The following LATS2 variants were observed in gnomAD, a reference collection of about 807,000 sequenced individuals.
LATS2 encodes the protein serine/threonine-protein kinase LATS2.
Under a neutral mutation model 76.0 loss-of-function variants are expected in LATS2, and 24 were observed. That is an observed-to-expected ratio of 0.32 (90% CI 0.23 to 0.44). LATS2 has a LOEUF of 0.44. Ranked by LOEUF, LATS2 falls within the 20% of genes least tolerant of loss-of-function variation. The pLI is 1.00. For synonymous variants in LATS2, 692 were observed against 635.4 expected (o/e 1.09, Z -1.34); for missense variants, 1,286 against 1,481.2 (o/e 0.87, Z 2.16).
chr13:20,994,837 AAAGT>A (rs373089416), intron 2 of LATS2, among the ~76,000 whole-genome samples: 5 of 146,466 alleles, frequency 3.4e-5, no homozygotes, highest in African/African-American at 1.0e-4. Context: ...GCTGGGCAAC[AAAGT>A]AAGAATGTGT....
rs1870241483 is a variant in LATS2 at position 20,988,019 on chromosome 13, T to C, written c.1761A>G (p.Glu587=). Residue 587 remains glutamate (E), a synonymous_variant, in exon 4 of 8, where the codon GAA becomes GAG. Transcript: ENST00000382592. ...TCTTGATGCGTGACTCTCTCTTCTC[T>C]TCGTCTCTGCTGTTTTTGCGGACGG... The part of the protein sequence containing the change: ...PVPVRKNSRD[E]EKRESRIKSY... The C allele has an allele frequency of 3.1e-6, 5 of 1,614,280 alleles. No individual in the cohort carries two copies. Among genetic ancestry groups the C allele is most frequent in the Non-Finnish European group, 4.2e-6 (5 of 1,180,050 alleles).
rs1445385624 is a variant in LATS2, at chr13:21,046,153, G to A, written c.-127C>T. The A allele has an allele frequency of 2.7e-5, 20 of 747,062 alleles. No individual in the cohort carries two copies. Among genetic ancestry groups the A allele is most frequent in the Admixed American group, 2.2e-4 (7 of 31,942 alleles). The allele number at this position is 747,062 out of a possible 1,614,324, so 46.3% of individuals were successfully genotyped here. A position where few individuals can be genotyped will look rare whatever the true frequency, so the allele number is the denominator to read the frequency against. ...TTCAAAATAATTTCCTTTTGAAAAT[G>A]TTCTTTCCTTCCATTTTTGTAGTTC... On this transcript the variant is annotated 5_prime_UTR_variant, in exon 2 of 8. Transcript: ENST00000382592.
rs1869554554 is a variant in LATS2 at position 20,975,263 on chromosome 13, G to A, written c.2874C>T (p.Arg958=). ...ITKLCCSADH[R]LGRNGADDLK... is the part of the protein sequence containing the mutation. ...GGTCATCGGCCCCATTCCGCCCCAG[G>A]CGGTGGTCTGCGGAGCAGCACAGCT... The change falls in exon 8 of 8, where the codon CGC becomes CGT. Residue 958 remains arginine, a synonymous_variant. Coordinates refer to ENST00000382592, the MANE Select transcript of LATS2 (RefSeq NM_014572.3). 1 of 1,614,196 alleles carries A rather than the reference G, an allele frequency of 6.2e-7. No individual in the cohort carries two copies. The highest frequency in any genetic ancestry group is 2.2e-5 in the East Asian group (1 of 44,880).
intron 2 of LATS2, among the ~76,000 whole-genome samples, chr13:21,004,004 T>G (rs1460846284): frequency 2.6e-5 from 4 of 152,266 alleles, no homozygotes; most frequent in African/African-American, 4.8e-5. Flanking sequence ...TGCTAAACTC[T>G]TAGCTATGGC....
At chr13:20,989,427 G>A in intron 3 of LATS2, 123 bp from the exon 4 acceptor site, 3 of 988,816 alleles carry the variant, frequency 3.0e-6, no homozygotes, top group Non-Finnish European at 4.5e-6. Context: ...CCTGGGCCCT[G>A]ACGTGCTGCA....
chr13:21,030,667 A>C (rs557485224), intron 2 of LATS2, among the ~76,000 whole-genome samples: 2 of 151,830 alleles, frequency 1.3e-5, no homozygotes, highest in Non-Finnish European at 2.9e-5. Flanking sequence ...AACTCCCCCA[A>C]CTCATAGTGT....
At chr13:21,033,995 G>A (rs1478538763) in intron 2 of LATS2, among the ~76,000 whole-genome samples, 4 of 152,070 alleles carry the variant, frequency 2.6e-5, no homozygotes, top group East Asian at 1.9e-4. Context: ...CAGGCTGGTA[G>A]GACAACGATC....
At chr13:21,044,828 A>G (rs1873007094) in intron 2 of LATS2, among the ~76,000 whole-genome samples, 2 of 151,108 alleles carry the variant, frequency 1.3e-5, no homozygotes, top group Admixed American at 6.7e-5. Context: ...TCCTAGGCTC[A>G]AGCGATCCCT....
chr13:21,050,064 G>A (rs1455662437), intron 1 of LATS2, among the ~76,000 whole-genome samples: 2 of 151,442 alleles, frequency 1.3e-5, no homozygotes, highest in African/African-American at 4.9e-5. Flanking sequence ...AGTTTGCAGT[G>A]AGCTGAGATT....
intron 2 of LATS2, among the ~76,000 whole-genome samples, chr13:20,992,174 A>C (rs773569941): frequency 6.6e-6 from 1 of 152,252 alleles, no homozygotes; most frequent in East Asian, 1.9e-4. Flanking sequence ...TGGGAGAGAA[A>C]AGGCATTCCT....
chr13:21,020,853 A>G (rs1872028312), intron 2 of LATS2, among the ~76,000 whole-genome samples: 1 of 152,204 alleles, frequency 6.6e-6, no homozygotes, highest in Non-Finnish European at 1.5e-5. Context: ...AGATGAGCAC[A>G]CCTACTACGT....
At chr13:21,047,053 T>C (rs1249981440) in intron 1 of LATS2, among the ~76,000 whole-genome samples, 1 of 152,158 alleles carries the variant, frequency 6.6e-6, no homozygotes, top group African/African-American at 2.4e-5. Context: ...AACTGCAGCA[T>C]GGAAATGGCC....
chr13:20,979,863 A>C lies in LATS2; in HGVS notation c.2666-66T>G, dbSNP rs185937862. Reference sequence around the variant, plus strand: ...TTCTCCTCCGAGGTGAATTTCATTAAGATGCTGAACATACAGATTTCCTGT... The same window carrying C: ...TTCTCCTCCGAGGTGAATTTCATTACGATGCTGAACATACAGATTTCCTGT... On this transcript the variant is annotated intron_variant, in intron 6 of 7. Coordinates refer to ENST00000382592, the MANE Select transcript of LATS2 (RefSeq NM_014572.3). 29 of 891,372 alleles carry C rather than the reference A, an allele frequency of 3.3e-5. 1 individual carries two copies. In the African/African-American group the frequency reaches 3.9e-4, roughly 12 times the overall value. The allele number at this position is 891,372 out of a possible 1,614,324, so 55.2% of individuals were successfully genotyped here. A position where few individuals can be genotyped will look rare whatever the true frequency, so the allele number is the denominator to read the frequency against.
intron 2 of LATS2, among the ~76,000 whole-genome samples, chr13:21,014,047 A>G (rs978868739): frequency 2.6e-5 from 4 of 151,932 alleles, no homozygotes; most frequent in African/African-American, 9.7e-5. Context: ...AGGAAGAAGG[A>G]GAGAGAAACA....
intron 2 of LATS2, among the ~76,000 whole-genome samples, chr13:21,003,502 A>G (rs983358183): frequency 6.6e-6 from 1 of 150,834 alleles, no homozygotes; most frequent in African/African-American, 2.4e-5. Flanking sequence ...GTGCAGTGAC[A>G]CAATCTTGGC....
chr13:21,031,550 TG>T (rs1229340709), intron 2 of LATS2, among the ~76,000 whole-genome samples: 3 of 152,210 alleles, frequency 2.0e-5, no homozygotes, highest in African/African-American at 7.2e-5. Context: ...TCCATTTCTC[TG>T]TAAAGATTTC....
intron 1 of LATS2, among the ~76,000 whole-genome samples, chr13:21,058,347 AAC>A (rs1873512764): frequency 1.3e-5 from 2 of 152,230 alleles, no homozygotes; most frequent in South Asian, 4.1e-4. Context: ...TACAAAAAAG[AAC>A]ACCTCTCCCC....
chr13:20,981,001 T>A (rs892035852), intron 6 of LATS2, among the ~76,000 whole-genome samples: 2 of 152,212 alleles, frequency 1.3e-5, no homozygotes, highest in Non-Finnish European at 2.9e-5. Flanking sequence ...CTTTTGCTTA[T>A]GGTCTAGCAG....
chr13:21,058,728 G>C (rs935418166), intron 1 of LATS2, among the ~76,000 whole-genome samples: 1 of 152,150 alleles, frequency 6.6e-6, no homozygotes, highest in African/African-American at 2.4e-5. Context: ...CTGAGATTTG[G>C]AAAGTTATTA....
Sources: allele counts gnomAD v4.1 joint callset (sites outside exome capture counted in the v4.1 genomes callset), GRCh38; gene constraint gnomAD v4.1.1; transcripts MANE v1.5; gene names NCBI Gene and HGNC (gene_info 2026-07-23, HGNC 2026-07-21).